The following GALNTL6 variants were observed in gnomAD, a reference collection of about 807,000 sequenced individuals.
GALNTL6 encodes polypeptide N-acetylgalactosaminyltransferase-like 6.
Under a neutral mutation model 73.7 loss-of-function variants are expected in GALNTL6, and 46 were observed. That is an observed-to-expected ratio of 0.62 (90% CI 0.49 to 0.80). The LOEUF (loss-of-function observed/expected upper bound fraction) is 0.80. Ranked by LOEUF, GALNTL6 falls within the 30% of genes least tolerant of loss-of-function variation. The pLI is 0.00. For synonymous variants in GALNTL6, 259 were observed against 263.7 expected (o/e 0.98, Z 0.17); for missense variants, 604 against 755.0 (o/e 0.80, Z 2.34).
intron 9 of GALNTL6, among the ~76,000 whole-genome samples, chr4:172,938,661 C>T (rs1336406977): frequency 3.3e-5 from 5 of 152,152 alleles, no homozygotes; most frequent in Admixed American, 2.0e-4. Context: ...GCTTGTGGCA[C>T]GATAACCTTG....
At chr4:172,941,252 TG>T (rs1167626766) in intron 9 of GALNTL6, among the ~76,000 whole-genome samples, 1 of 152,224 alleles carries the variant, frequency 6.6e-6, no homozygotes, top group African/African-American at 2.4e-5. Context: ...AGCTATCACA[TG>T]AGGACCAAGA....
At chr4:172,997,412 G>T (rs948479584) in intron 10 of GALNTL6, among the ~76,000 whole-genome samples, 5 of 152,134 alleles carry the variant, frequency 3.3e-5, no homozygotes, top group Admixed American at 2.6e-4. Flanking sequence ...CATGGCGAGA[G>T]TGCAGATGAG....
intron 2 of GALNTL6, among the ~76,000 whole-genome samples, chr4:171,950,430 C>G (rs1002640661): frequency 2.6e-5 from 4 of 150,956 alleles, no homozygotes; most frequent in South Asian, 4.2e-4. Flanking sequence ...TAATAAAGAA[C>G]TGAAATACTG....
intron 2 of GALNTL6, among the ~76,000 whole-genome samples, chr4:171,941,336 C>A (rs1738538651): frequency 6.6e-6 from 1 of 152,168 alleles, no homozygotes; most frequent in East Asian, 1.9e-4. Context: ...GAAAAATTAG[C>A]CTATGCAATA....
chr4:171,912,436 T>C (rs1426396408), intron 2 of GALNTL6, among the ~76,000 whole-genome samples: 1 of 152,172 alleles, frequency 6.6e-6, no homozygotes, highest in East Asian at 1.9e-4. Flanking sequence ...TATACAATAG[T>C]TGTACATATT....
intron 5 of GALNTL6, among the ~76,000 whole-genome samples, chr4:172,402,650 T>A (rs1744083222): frequency 6.6e-6 from 1 of 152,156 alleles, no homozygotes; most frequent in South Asian, 2.1e-4. Context: ...TATAGGAAGA[T>A]TTTTTGGACG....
intron 2 of GALNTL6, among the ~76,000 whole-genome samples, chr4:172,183,883 C>T (rs757850675): frequency 6.6e-5 from 10 of 150,940 alleles, no homozygotes; most frequent in South Asian, 2.1e-4. Flanking sequence ...ACCTCCACCT[C>T]CCAGGTTCAA....
intron 2 of GALNTL6, among the ~76,000 whole-genome samples, chr4:171,900,553 C>T (rs1358864692): frequency 2.6e-5 from 4 of 151,506 alleles, no homozygotes; most frequent in South Asian, 2.1e-4. Flanking sequence ...CTCCTGACCT[C>T]GTGATCCACC....
At chr4:172,103,733 A>C (rs1166404086) in intron 2 of GALNTL6, among the ~76,000 whole-genome samples, 2 of 152,180 alleles carry the variant, frequency 1.3e-5, no homozygotes, top group Non-Finnish European at 2.9e-5. Flanking sequence ...GTGCTAGAAG[A>C]AAAGGAATCT....
chr4:171,839,243 A>G (rs1177528110), intron 2 of GALNTL6, among the ~76,000 whole-genome samples: 2 of 152,136 alleles, frequency 1.3e-5, no homozygotes, highest in East Asian at 1.9e-4. Context: ...TGCTGTTAAA[A>G]TCTGCTTTCT....
At chr4:171,925,413 T>C (rs372800124) in intron 2 of GALNTL6, among the ~76,000 whole-genome samples, 1 of 152,044 alleles carries the variant, frequency 6.6e-6, no homozygotes, top group African/African-American at 2.4e-5. Flanking sequence ...AAGTAGAAAC[T>C]AGGAAGGAGA....
intron 2 of GALNTL6, among the ~76,000 whole-genome samples, chr4:171,894,978 C>T (rs1336636641): frequency 2.0e-5 from 3 of 151,972 alleles, no homozygotes; most frequent in Non-Finnish European, 2.9e-5. Context: ...GAAAACAAAA[C>T]ACAACAAAAA....
intron 5 of GALNTL6, among the ~76,000 whole-genome samples, chr4:172,405,522 A>C: frequency 6.7e-6 from 1 of 148,924 alleles, no homozygotes; most frequent in South Asian, 2.1e-4. Flanking sequence ...AAACAAAACA[A>C]AGGATCAGTA....
chr4:172,366,693 C>T (rs1005110744), intron 5 of GALNTL6, among the ~76,000 whole-genome samples: 3 of 152,144 alleles, frequency 2.0e-5, no homozygotes, highest in African/African-American at 7.2e-5. Flanking sequence ...AATCATCCTC[C>T]TCCCCTCCCC....
intron 11 of GALNTL6, among the ~76,000 whole-genome samples, chr4:173,021,194 C>G (rs1402724054): frequency 2.0e-5 from 3 of 152,316 alleles, no homozygotes; most frequent in Middle Eastern, 3.4e-3. Context: ...ATGCCCCTCC[C>G]TGCATCTCTT....
At chr4:172,899,750 G>A (rs566779322) in intron 8 of GALNTL6, among the ~76,000 whole-genome samples, 38 of 152,166 alleles carry the variant, frequency 2.5e-4, no homozygotes, top group African/African-American at 8.9e-4. Flanking sequence ...GCAGCCCCAA[G>A]GTCTGCTGGT....
intron 10 of GALNTL6, among the ~76,000 whole-genome samples, chr4:172,952,525 G>GTTTTTT (rs1027282071): frequency 1.3e-5 from 2 of 149,988 alleles, no homozygotes; most frequent in Non-Finnish European, 3.0e-5. Flanking sequence ...TTTTGTTTTT[G>GTTTTTT]TTTTTTTTGA....
At chr4:172,666,074 A>G (rs1034978040) in intron 5 of GALNTL6, among the ~76,000 whole-genome samples, 3 of 152,222 alleles carry the variant, frequency 2.0e-5, no homozygotes, top group Admixed American at 2.0e-4. Flanking sequence ...ATCATTCTTA[A>G]TATTATTTTA....
intron 5 of GALNTL6, among the ~76,000 whole-genome samples, chr4:172,445,782 C>T (rs973304107): frequency 6.6e-6 from 1 of 152,112 alleles, no homozygotes; most frequent in Non-Finnish European, 1.5e-5. Flanking sequence ...TGTGTTTTCT[C>T]TCTTCCTCCT....
Sources: gnomAD v4.1 joint callset for allele counts (sites outside exome capture counted in the v4.1 genomes callset) on GRCh38, gnomAD v4.1.1 for gene constraint, MANE v1.5 for transcripts, NCBI Gene and HGNC (gene_info 2026-07-23, HGNC 2026-07-21) for gene names.